UBE2D3: variants seen among roughly 807,000 people sequenced by gnomAD.
UBE2D3 encodes ubiquitin-conjugating enzyme E2 D3.
UBE2D3 carries 2 observed loss-of-function variants against 22.8 expected under a neutral mutation model. The observed-to-expected ratio is 0.09, with a 90% confidence interval of 0.04 to 0.28. The LOEUF is 0.28. UBE2D3 is among the 10% of genes least tolerant of loss of function. The pLI is 1.00. For synonymous variants in UBE2D3, 56 were observed against 60.4 expected, an observed-to-expected ratio of 0.93 and a Z score of 0.34; for missense variants, 27 against 182.5, an observed-to-expected ratio of 0.15 and a Z score of 4.91.
At chr4:102,863,405 T>C (rs1220609951) in intron 1 of UBE2D3, among the ~76,000 whole-genome samples, 2 of 152,008 alleles carry the variant, frequency 1.3e-5, no homozygotes, top group Non-Finnish European at 2.9e-5. Flanking sequence ...AAGAACTAAT[T>C]ATCACAAGGA....
intron 1 of UBE2D3, among the ~76,000 whole-genome samples, chr4:102,852,942 C>A (rs1732434115): frequency 1.3e-5 from 2 of 151,992 alleles, no homozygotes; most frequent in African/African-American, 2.4e-5. Flanking sequence ...AAAGATGTTT[C>A]ACCTCACTTG....
intron 2 of UBE2D3, among the ~76,000 whole-genome samples, chr4:102,817,902 A>T (rs1578252085): frequency 6.6e-6 from 1 of 152,210 alleles, no homozygotes; most frequent in East Asian, 1.9e-4. Context: ...ACCTAACAAA[A>T]TGTTTTTAGA....
intron 1 of UBE2D3, among the ~76,000 whole-genome samples, chr4:102,856,192 T>G (rs990128893): frequency 6.6e-6 from 1 of 151,944 alleles, no homozygotes; most frequent in African/African-American, 2.4e-5. Flanking sequence ...ATGGCAAAAC[T>G]CTGTCTCTAC....
chr4:102,805,989 T>G (rs1726974007), intron 4 of UBE2D3, among the ~76,000 whole-genome samples: 1 of 152,236 alleles, frequency 6.6e-6, no homozygotes, highest in Non-Finnish European at 1.5e-5. Context: ...TTCTCCTTTA[T>G]GCCCACTGTC....
intron 1 of UBE2D3, chr4:102,827,001 A>C (rs1578271134): frequency 1.0e-6 from 1 of 997,200 alleles, no homozygotes; most frequent in African/African-American, 1.7e-5. Context: ...AGGGGGAAGC[A>C]TAAGACTCCG....
intron 1 of UBE2D3, among the ~76,000 whole-genome samples, chr4:102,838,358 T>A (rs1731539204): frequency 6.6e-6 from 1 of 152,206 alleles, no homozygotes; most frequent in Non-Finnish European, 1.5e-5. Context: ...TGTTCAGTGA[T>A]GTTCTTTGGA....
intron 1 of UBE2D3, among the ~76,000 whole-genome samples, chr4:102,859,851 GTT>G (rs61150781): frequency 2.1e-5 from 3 of 143,096 alleles, no homozygotes; most frequent in Admixed American, 7.0e-5. Context: ...AATTTGATTT[GTT>G]TTTTTTTTTT....
chr4:102,826,633 G>T lies in UBE2D3; in HGVS notation c.-125C>A. Reference sequence around the variant, plus strand: ...CTCACACCAGCTCTGCCAGACACAGGCGCCTTTTGCAAAAACGGAGCAGAT... The same window carrying T: ...CTCACACCAGCTCTGCCAGACACAGTCGCCTTTTGCAAAAACGGAGCAGAT... On this transcript the variant is annotated 5_prime_UTR_variant, in exon 2 of 8. Transcript: ENST00000453744. 1 of 1,574,858 alleles carries T rather than the reference G, an allele frequency of 6.3e-7. No homozygotes were observed. The highest frequency in any genetic ancestry group is 8.6e-7 in the Non-Finnish European group (1 of 1,169,206).
chr4:102,820,673 G>T (rs1729458134), intron 2 of UBE2D3, among the ~76,000 whole-genome samples: 1 of 152,108 alleles, frequency 6.6e-6, no homozygotes, highest in Admixed American at 6.6e-5. Flanking sequence ...CCCAAATTTA[G>T]ATTTGAAGCT....
intron 2 of UBE2D3, among the ~76,000 whole-genome samples, chr4:102,817,629 C>T (rs1728961470): frequency 6.6e-6 from 1 of 152,220 alleles, no homozygotes; most frequent in South Asian, 2.1e-4. Flanking sequence ...AAATTCTCAA[C>T]TGCACCAAAC....
intron 5 of UBE2D3, chr4:102,801,818 G>C (rs1037719871): frequency 1.9e-5 from 5 of 265,576 alleles, no homozygotes; most frequent in Non-Finnish European, 3.6e-5. Context: ...ACCATATCAT[G>C]AATCAAAGGG....
chr4:102,797,494 A>G lies in UBE2D3; in HGVS notation c.399-34T>C, dbSNP rs772893137. The G allele has an allele frequency of 2.7e-5, 41 of 1,536,054 alleles. No individual in the cohort carries two copies. In the East Asian group the frequency reaches 9.2e-4, roughly 35 times the overall value. On this transcript the variant is annotated intron_variant, in intron 7 of 7. Coordinates refer to ENST00000453744, the MANE Select transcript of UBE2D3 (RefSeq NM_181891.3). ...AAAGATGTTATTTTTAAAAGTTAAA[A>G]TAAAGAATTCCTAATACTTTAAATG...
intron 2 of UBE2D3, among the ~76,000 whole-genome samples, chr4:102,814,872 T>C (rs1728573228): frequency 6.6e-6 from 1 of 152,152 alleles, no homozygotes; most frequent in African/African-American, 2.4e-5. Context: ...TGATGCTCAG[T>C]TGTCTAAAAA....
upstream of UBE2D3, among the ~76,000 whole-genome samples, chr4:102,831,426 A>C (rs2110345436): frequency 6.6e-6 from 1 of 152,354 alleles, no homozygotes; most frequent in South Asian, 2.1e-4. Flanking sequence ...ATAAAAATAG[A>C]GCATTTTTCC....
At chr4:102,852,313 G>T (rs980915681) in intron 1 of UBE2D3, among the ~76,000 whole-genome samples, 5 of 152,110 alleles carry the variant, frequency 3.3e-5, no homozygotes, top group Admixed American at 1.3e-4. Context: ...GACTATGAGA[G>T]AAAAAGAAAT....
chr4:102,825,948 G>GTTTCTACTAGACTCACTGACTGAC (rs1297112743), intron 2 of UBE2D3: 14 of 352,856 alleles, frequency 4.0e-5, no homozygotes, highest in Non-Finnish European at 6.8e-5. Flanking sequence ...TCGACTAAGA[G>GTTTCTACTAGACTCACTGACTGAC]TTTCTACTAG....
At chr4:102,851,041 T>C (rs988855346) in intron 1 of UBE2D3, among the ~76,000 whole-genome samples, 1 of 152,244 alleles carries the variant, frequency 6.6e-6, no homozygotes, top group Admixed American at 6.5e-5. Flanking sequence ...AAAGAACTTA[T>C]CCATGTAACC....
chr4:102,831,565 A>G, upstream of UBE2D3, among the ~76,000 whole-genome samples: 1 of 152,204 alleles, frequency 6.6e-6, no homozygotes, highest in Non-Finnish European at 1.5e-5. Context: ...ATGGAATATT[A>G]TTATTATTAT....
intron 1 of UBE2D3, among the ~76,000 whole-genome samples, chr4:102,849,784 G>A (rs1228748584): frequency 4.6e-5 from 7 of 152,312 alleles, no homozygotes; most frequent in Non-Finnish European, 7.3e-5. Context: ...ACCACGTGTT[G>A]ACCACAGTGT....
Sources: gnomAD v4.1 joint callset for allele counts (sites outside exome capture counted in the v4.1 genomes callset) on GRCh38, gnomAD v4.1.1 for gene constraint, MANE v1.5 for transcripts, NCBI Gene and HGNC (gene_info 2026-07-23, HGNC 2026-07-21) for gene names.